YIPF1: variants seen among roughly 807,000 people sequenced by gnomAD.
The protein encoded by YIPF1 is protein YIPF1.
A neutral mutation model predicts 37.0 loss-of-function variants in YIPF1; 22 were observed. That is an observed-to-expected ratio of 0.59 (90% CI 0.42 to 0.85). The LOEUF (loss-of-function observed/expected upper bound fraction) is 0.85, where lower values mean the gene tolerates loss of function less well. Ranked by LOEUF, YIPF1 falls within the 40% of genes least tolerant of loss-of-function variation. The probability of loss-of-function intolerance (pLI) is 0.00; values close to 1 mark genes in which losing one functional copy is unlikely to be tolerated. For missense variants in YIPF1, 355 were observed against 373.1 expected (o/e 0.95, Z 0.40); for synonymous variants, 128 against 131.9 (o/e 0.97, Z 0.21).
At chr1:53,878,577 G>T in intron 5 of YIPF1, 65 bp downstream of exon 5, 2 of 1,549,396 alleles carry the variant, frequency 1.3e-6, no homozygotes, top group South Asian at 1.2e-5. Flanking sequence ...TTATTTGGTT[G>T]TTCAACCATT....
intron 3 of YIPF1, 58 bp from the exon 4 acceptor site, chr1:53,883,334 A>G: frequency 6.9e-7 from 1 of 1,445,002 alleles, no homozygotes; most frequent in South Asian, 1.6e-5. Context: ...GAAATGCTAT[A>G]CTTTGAATTT....
intron 3 of YIPF1, 29 bp downstream of exon 3, chr1:53,888,878 A>AG: frequency 6.4e-7 from 1 of 1,565,048 alleles, no homozygotes; most frequent in Non-Finnish European, 8.8e-7. Context: ...GTGATCATAA[A>AG]TATAAAGGTG....
rs895929895 is a variant in YIPF1, at chr1:53,856,113, G to A, written c.*9-3843C>T. Among the ~76,000 whole-genome samples the A allele has an allele frequency of 2.6e-5, 4 of 152,310 alleles. No homozygotes were observed. In the East Asian group the frequency reaches 7.7e-4, roughly 29 times the overall value. ...CCTCTCTATCAGCAAAGCAATTGAT[G>A]CTTCTGCCAGGGAGGCTGCAAAGAA... On this transcript the variant is annotated intron_variant, in intron 10 of 10. Coordinates refer to ENST00000072644, the MANE Select transcript of YIPF1 (RefSeq NM_018982.5).
At chr1:53,887,229 A>G (rs1176708349) in intron 3 of YIPF1, among the ~76,000 whole-genome samples, 3 of 151,882 alleles carry the variant, frequency 2.0e-5, no homozygotes, top group Non-Finnish European at 2.9e-5. Flanking sequence ...ACAGGCGTGC[A>G]CCACCATGCC....
At chr1:53,856,368 A>G (rs978398585) in intron 10 of YIPF1, among the ~76,000 whole-genome samples, 2 of 152,216 alleles carry the variant, frequency 1.3e-5, no homozygotes, top group Non-Finnish European at 2.9e-5. Flanking sequence ...GGGCAGGTTG[A>G]GAGAGACCCT....
intron 7 of YIPF1, among the ~76,000 whole-genome samples, chr1:53,869,633 G>A (rs1046509154): frequency 1.3e-5 from 2 of 152,120 alleles, no homozygotes; most frequent in Non-Finnish European, 1.5e-5. Context: ...GGGAGAGAGC[G>A]AGGGAACTGA....
chr1:53,865,266 A>C (rs1318908042), intron 9 of YIPF1, among the ~76,000 whole-genome samples: 1 of 152,154 alleles, frequency 6.6e-6, no homozygotes, highest in East Asian at 1.9e-4. Flanking sequence ...AAAGACATCC[A>C]AAAACAGAAT....
intron 4 of YIPF1, 172 bp downstream of exon 4, chr1:53,882,941 A>T: frequency 1.6e-6 from 1 of 616,718 alleles, no homozygotes; most frequent in African/African-American, 1.9e-5. Context: ...AAGTGTACTT[A>T]CGGAAAGTAA....
chr1:53,882,604 T>C (rs908335478), intron 4 of YIPF1, among the ~76,000 whole-genome samples: 1 of 152,082 alleles, frequency 6.6e-6, no homozygotes, highest in Non-Finnish European at 1.5e-5. Flanking sequence ...GCTACAGGTG[T>C]CCACCACCAT....
intron 4 of YIPF1, 106 bp downstream of exon 4, chr1:53,883,007 G>A: frequency 7.7e-7 from 1 of 1,305,884 alleles, no homozygotes; most frequent in Non-Finnish European, 1.0e-6. Flanking sequence ...ATTTACCTCT[G>A]AGCTGTCATT....
chr1:53,862,901 A>G (rs1649921107), intron 9 of YIPF1, among the ~76,000 whole-genome samples: 1 of 152,174 alleles, frequency 6.6e-6, no homozygotes, highest in East Asian at 1.9e-4. Context: ...GTGACAGTGG[A>G]GCTAGGACTG....
Position 53,860,124 on chromosome 1 carries a change from G to A in YIPF1, c.861C>T (p.Asp287=), listed in dbSNP as rs372393274. 806 of 1,614,096 alleles carry A rather than the reference G, an allele frequency of 5.0e-4. 8 individuals carry two copies. In the South Asian group the frequency reaches 7.7e-3, roughly 15 times the overall value. Residue 287 remains aspartate, a synonymous_variant, in exon 10 of 11, where the codon GAC becomes GAT. Coordinates refer to ENST00000072644, the MANE Select transcript of YIPF1 (RefSeq NM_018982.5). The part of the protein sequence containing the change: ...LAYFFDAPEM[D]HLPTTTATPN... ...GAGTAGCTGTAGTTGTTGGGAGATG[G>A]TCCATCTCTGGTGCATCAAAAAAGT...
Position 53,878,687 on chromosome 1 carries a change from C to T in YIPF1, c.231G>A (p.Trp77Ter). ...LAGQKKSSPF[W>*]TFEYYQTFFD... ...AGAATGTTTGGTAGTATTCAAATGT[C>T]CAGAAGGGGGAGCTTTTCTTCTGTC... The change falls in exon 5 of 11, where the codon TGG (tryptophan) becomes TGA (stop). Residue 77 changes from tryptophan to a stop codon, truncating the protein, a stop_gained. Coordinates refer to ENST00000072644, the MANE Select transcript of YIPF1 (RefSeq NM_018982.5). LOFTEE classifies it high-confidence loss of function. The T allele has an allele frequency of 6.3e-7, 1 of 1,598,928 alleles. No homozygotes were observed. Among genetic ancestry groups the T allele is most frequent in the Non-Finnish European group, 8.5e-7 (1 of 1,176,844 alleles).
intron 6 of YIPF1, among the ~76,000 whole-genome samples, chr1:53,875,546 T>C (rs1414390949): frequency 1.3e-5 from 2 of 152,132 alleles, no homozygotes; most frequent in East Asian, 3.9e-4. Context: ...TACTCGTCTG[T>C]CCAAACTCTC....
At chr1:53,883,960 C>A (rs192015391) in intron 3 of YIPF1, among the ~76,000 whole-genome samples, 1 of 152,052 alleles carries the variant, frequency 6.6e-6, no homozygotes, top group African/African-American at 2.4e-5. Flanking sequence ...TCACTTGAAC[C>A]CAGGAGGCAA....
chr1:53,861,399 G>T (rs568114400), intron 9 of YIPF1, among the ~76,000 whole-genome samples: 1 of 152,236 alleles, frequency 6.6e-6, no homozygotes, highest in African/African-American at 2.4e-5. Flanking sequence ...ACTGCAGGGT[G>T]CCCTTGTAAG....
intron 4 of YIPF1, among the ~76,000 whole-genome samples, chr1:53,882,108 G>A (rs1277657136): frequency 6.6e-6 from 1 of 152,124 alleles, no homozygotes; most frequent in South Asian, 2.1e-4. Context: ...ACTAACACAG[G>A]AACAGAAAAC....
intron 7 of YIPF1, among the ~76,000 whole-genome samples, chr1:53,869,160 T>TCTCTCTCTCTCACA (rs911930860): frequency 2.1e-4 from 29 of 137,982 alleles, no homozygotes; most frequent in African/African-American, 7.6e-4. Flanking sequence ...TCTCTCTCTC[T>TCTCTCTCTCTCACA]CACACACACA....
At chr1:53,864,853 C>T (rs1316686382) in intron 9 of YIPF1, among the ~76,000 whole-genome samples, 1 of 152,198 alleles carries the variant, frequency 6.6e-6, no homozygotes, top group Admixed American at 6.5e-5. Context: ...GGACAAGTTC[C>T]ATGTTAAGTG....
Sources: gnomAD v4.1 joint callset for allele counts (sites outside exome capture counted in the v4.1 genomes callset) on GRCh38, gnomAD v4.1.1 for gene constraint, MANE v1.5 for transcripts, NCBI Gene and HGNC (gene_info 2026-07-23, HGNC 2026-07-21) for gene names.